TMX4: variants seen among roughly 807,000 people sequenced by gnomAD.
TMX4 encodes the protein thioredoxin-related transmembrane protein 4.
TMX4 carries 23 observed loss-of-function variants against 33.3 expected under a neutral mutation model. The observed-to-expected ratio is 0.69, with a 90% CI of 0.50 to 0.98. The LOEUF is 0.98. TMX4 is among the 50% of genes least tolerant of loss of function. The probability of loss-of-function intolerance (pLI) is 0.00; values close to 1 mark genes in which losing one functional copy is unlikely to be tolerated. For synonymous variants in TMX4, 164 were observed against 161.5 expected, an observed-to-expected ratio of 1.02 and a Z score of -0.12; for missense variants, 399 against 448.9, an observed-to-expected ratio of 0.89 and a Z score of 1.01.
At chr20:7,984,191 A>G (rs1016587608) in intron 6 of TMX4, among the ~76,000 whole-genome samples, 27 of 152,368 alleles carry the variant, frequency 1.8e-4, no homozygotes, top group African/African-American at 6.5e-4. Context: ...CACTCTGTAT[A>G]TAGGCTGCCC....
intron 4 of TMX4, among the ~76,000 whole-genome samples, 193 bp from the exon 5 acceptor site, chr20:7,996,264 C>A (rs1475539410): frequency 6.6e-6 from 1 of 152,088 alleles, no homozygotes; most frequent in Non-Finnish European, 1.5e-5. Context: ...AAATCTATTC[C>A]AACTCCTTGG....
At chr20:7,992,993 C>T (rs1489274186) in intron 5 of TMX4, among the ~76,000 whole-genome samples, 2 of 152,196 alleles carry the variant, frequency 1.3e-5, no homozygotes, top group African/African-American at 2.4e-5. Context: ...TATATACACA[C>T]AAAAACGCCA....
chr20:8,007,987 C>T (rs1451712025), intron 2 of TMX4, among the ~76,000 whole-genome samples: 2 of 152,214 alleles, frequency 1.3e-5, no homozygotes, highest in African/African-American at 2.4e-5. Flanking sequence ...CCTCCTTATT[C>T]ACCTTTGTAT....
intron 2 of TMX4, among the ~76,000 whole-genome samples, chr20:8,006,871 T>C (rs2050733166): frequency 6.6e-6 from 1 of 151,940 alleles, no homozygotes; most frequent in Non-Finnish European, 1.5e-5. Context: ...CGATTCTCCA[T>C]TCTCCTGCCT....
chr20:7,995,348 G>C (rs1214139218), intron 5 of TMX4, among the ~76,000 whole-genome samples: 1 of 152,238 alleles, frequency 6.6e-6, no homozygotes, highest in African/African-American at 2.4e-5. Context: ...CTACAGAGAA[G>C]GGAAATAAAA....
At chr20:7,990,645 A>G (rs1385135996) in intron 5 of TMX4, among the ~76,000 whole-genome samples, 1 of 152,182 alleles carries the variant, frequency 6.6e-6, no homozygotes, top group East Asian at 1.9e-4. Flanking sequence ...CCAGTGTTGC[A>G]GAGTCTCATT....
chr20:7,984,865 A>T (rs1378487011), intron 6 of TMX4, among the ~76,000 whole-genome samples: 3 of 151,958 alleles, frequency 2.0e-5, no homozygotes, highest in Admixed American at 6.6e-5. Context: ...AAAAAAAAAA[A>T]TTTGGATCCT....
chr20:7,979,325 T>TA lies in TMX4; in HGVS notation c.*2925dup, dbSNP rs2050594737. The TA allele has an allele frequency of 6.6e-6, 1 of 152,166 alleles. No homozygotes were observed. Among genetic ancestry groups the TA allele is most frequent in the Non-Finnish European group, 1.5e-5 (1 of 68,022 alleles). 9.4% of individuals were successfully genotyped at this position (152,166 alleles called of 1,614,324 possible). ...AAAAAACCCATCTTTGCCATGATGTTAAAAAAGGGAAAATCAGGAAAAATG... is the reference window on the plus strand; with the variant it reads ...AAAAAACCCATCTTTGCCATGATGTTAAAAAAAGGGAAAATCAGGAAAAATG... On this transcript the variant is annotated 3_prime_UTR_variant, in exon 8 of 8. Coordinates refer to ENST00000246024, the MANE Select transcript of TMX4 (RefSeq NM_021156.4).
Position 7,983,814 on chromosome 20 carries a change from C to T in TMX4, c.659G>A (p.Arg220Lys). ...ISECFYVPLP[R>K]HLSERSEQNR... ...CTTACCAGAACGCTCAGATAAATGC[C>T]TTGGAAGTGGCACATAGAAACATTC... The change falls in exon 7 of 8, where the codon AGG becomes AAG. Residue 220 changes from arginine (R) to lysine (K), a missense_variant. Arg to Lys is a conservative substitution (Grantham distance 26). Coordinates refer to ENST00000246024, the MANE Select transcript of TMX4 (RefSeq NM_021156.4). 26 of 1,613,458 alleles carry T rather than the reference C, an allele frequency of 1.6e-5. No homozygotes were observed. Among genetic ancestry groups the T allele is most frequent in the Non-Finnish European group, 2.2e-5 (26 of 1,179,784 alleles).
chr20:8,009,242 A>T (rs929464537), intron 2 of TMX4, among the ~76,000 whole-genome samples: 2 of 152,142 alleles, frequency 1.3e-5, no homozygotes, highest in African/African-American at 4.8e-5. Context: ...AATTTATTGT[A>T]TATATCTTTT....
At position 7,977,438 on chromosome 20, in the gene TMX4, G is replaced by C. The variant is rs2050584874; in HGVS notation, c.*4813C>G. The C allele has an allele frequency of 6.6e-6, 1 of 152,192 alleles. No individual in the cohort carries two copies. The highest frequency in any genetic ancestry group is 1.5e-5 in the Non-Finnish European group (1 of 68,034). The allele number at this position is 152,192 out of a possible 1,614,324, so 9.4% of individuals were successfully genotyped here. ...TTTTGTGAAAACACTTGTATGAAAA[G>C]CAATACACCATTTGTTTTTACTTAC... On this transcript the variant is annotated 3_prime_UTR_variant, in exon 8 of 8. Coordinates refer to ENST00000246024, the MANE Select transcript of TMX4 (RefSeq NM_021156.4).
At chr20:7,998,633 C>T (rs1277617833) in intron 4 of TMX4, among the ~76,000 whole-genome samples, 3 of 152,182 alleles carry the variant, frequency 2.0e-5, no homozygotes, top group African/African-American at 7.2e-5. Flanking sequence ...CCTACATTCC[C>T]TTTCACTATG....
intron 4 of TMX4, among the ~76,000 whole-genome samples, chr20:7,998,936 A>G (rs2050689630): frequency 6.6e-6 from 1 of 152,160 alleles, no homozygotes; most frequent in African/African-American, 2.4e-5. Context: ...ACCTGAGGTG[A>G]ATGTCTGTCT....
chr20:8,001,682 T>A, intron 2 of TMX4, 141 bp from the exon 3 acceptor site: 1 of 802,376 alleles, frequency 1.2e-6, no homozygotes, highest in Non-Finnish European at 2.0e-6. Flanking sequence ...TACAGAAATT[T>A]CATTTCTACC....
rs569339077 is a variant in TMX4, at chr20:7,978,167, G to A, written c.*4084C>T. On this transcript the variant is annotated 3_prime_UTR_variant, in exon 8 of 8. Transcript: ENST00000246024. Reference sequence around the variant, plus strand: ...GGGTCAACCACATATTCATAATACTGACAGAAATAACACTGTAACACCAAG... The same window carrying A: ...GGGTCAACCACATATTCATAATACTAACAGAAATAACACTGTAACACCAAG... The A allele has an allele frequency of 6.6e-6, 1 of 152,262 alleles. No individual in the cohort carries two copies. 9.4% of individuals were successfully genotyped at this position (152,262 alleles called of 1,614,324 possible). A position where few individuals can be genotyped will look rare whatever the true frequency, so the allele number is the denominator to read the frequency against.
intron 2 of TMX4, among the ~76,000 whole-genome samples, chr20:8,001,996 G>A (rs536229467): frequency 1.3e-5 from 2 of 152,166 alleles, no homozygotes; most frequent in East Asian, 3.9e-4. Flanking sequence ...CAAACTATAG[G>A]TATGATTACA....
intron 1 of TMX4, among the ~76,000 whole-genome samples, chr20:8,014,840 G>A (rs1280642432): frequency 1.3e-5 from 2 of 152,168 alleles, no homozygotes; most frequent in Non-Finnish European, 2.9e-5. Context: ...TCAGGGTGCT[G>A]GCTAGCTGAG....
intron 1 of TMX4, chr20:8,018,666 A>G (rs923864390): frequency 7.1e-5 from 12 of 168,804 alleles, no homozygotes; most frequent in Non-Finnish European, 1.4e-4. Flanking sequence ...TCCTAACTCA[A>G]AACTGTAGTT....
At chr20:8,014,199 A>C (rs912293388) in intron 1 of TMX4, among the ~76,000 whole-genome samples, 1 of 152,236 alleles carries the variant, frequency 6.6e-6, no homozygotes, top group African/African-American at 2.4e-5. Flanking sequence ...TGCTAGAGAA[A>C]GTGGAATTCA....
Sources: gnomAD v4.1 joint callset for allele counts (sites outside exome capture counted in the v4.1 genomes callset) on GRCh38, gnomAD v4.1.1 for gene constraint, MANE v1.5 for transcripts, NCBI Gene and HGNC (gene_info 2026-07-23, HGNC 2026-07-21) for gene names.